Variants in DTNA observed in about 807,000 individuals in gnomAD.
DTNA encodes the protein dystrobrevin alpha.
In DTNA, 43 loss-of-function variants were observed where a neutral mutation model predicts 100.7. The observed-to-expected ratio is 0.43, with a 90% CI of 0.33 to 0.55. The LOEUF is 0.55. DTNA is among the 20% of genes least tolerant of loss of function. DTNA has a pLI of 0.04. For missense variants in DTNA, 798 were observed against 953.9 expected (o/e 0.84, Z 2.15); for synonymous variants, 349 against 347.9 (o/e 1.00, Z -0.04).
At chr18:34,533,060 C>G (rs566311930) in intron 1 of DTNA, among the ~76,000 whole-genome samples, 1 of 152,028 alleles carries the variant, frequency 6.6e-6, no homozygotes, top group Non-Finnish European at 1.5e-5. Flanking sequence ...AGTAGACTCA[C>G]TATTTCATTA....
chr18:34,758,686 A>G (rs2148307282), intron 2 of DTNA, among the ~76,000 whole-genome samples: 1 of 152,328 alleles, frequency 6.6e-6, no homozygotes, highest in East Asian at 1.9e-4. Flanking sequence ...TGGGTTGTAA[A>G]CTTGGCAAGA....
chr18:34,609,268 G>C (rs186366411), intron 1 of DTNA, among the ~76,000 whole-genome samples: 2 of 132,224 alleles, frequency 1.5e-5, no homozygotes, highest in Admixed American at 1.5e-4. Context: ...TTTTTGAGAC[G>C]GAGTCTTGCT....
chr18:34,501,220 A>G (rs1450756942), intron 1 of DTNA, among the ~76,000 whole-genome samples: 2 of 152,192 alleles, frequency 1.3e-5, no homozygotes, highest in East Asian at 1.9e-4. Flanking sequence ...TGATGTGATC[A>G]TATGATTTTT....
chr18:34,644,067 T>C (rs2059578851), intron 1 of DTNA, among the ~76,000 whole-genome samples: 2 of 152,314 alleles, frequency 1.3e-5, no homozygotes, highest in African/African-American at 4.8e-5. Context: ...GGGAATAACA[T>C]TGATATTTTA....
intron 4 of DTNA, among the ~76,000 whole-genome samples, chr18:34,794,818 C>T (rs1336553885): frequency 6.6e-6 from 1 of 152,120 alleles, no homozygotes; most frequent in African/African-American, 2.4e-5. Context: ...TATAATTTTC[C>T]CTTTTAGAAT....
At position 34,848,534 on chromosome 18, in the gene DTNA, C is replaced by T. The variant is rs998960703; in HGVS notation, c.1434+151C>T. On this transcript the variant is annotated intron_variant, in intron 14 of 22. Coordinates refer to ENST00000444659, the MANE Select transcript of DTNA (RefSeq NM_001386795.1). The stretch of plus-strand genomic sequence containing the variant: ...GTGTTTGTTGCTAAGTTTGTGGTGT[C>T]TTGGTGGTGAATTTACAGTTTAAAA... The T allele has an allele frequency of 9.9e-6, 9 of 907,632 alleles. No homozygotes were observed. The African/African-American group carries it at 1.5e-4, about 15-fold the overall frequency. 56.2% of individuals were successfully genotyped at this position (907,632 alleles called of 1,614,324 possible).
chr18:34,690,154 G>A lies in DTNA; in HGVS notation c.-1-65822G>A, dbSNP rs531306273. On this transcript the variant is annotated intron_variant, in intron 1 of 19. Coordinates refer to the DTNA transcript ENST00000283365. ...CAGCCCCCTTCCCAGGGGAGTGAAC[G>A]GCTCTGTCTCACTGGCTTTCCAGGC... is the stretch of plus-strand genomic sequence containing the variant. Among the ~76,000 whole-genome samples the A allele has an allele frequency of 7.9e-5, 12 of 152,282 alleles. No individual in the cohort carries two copies. In the South Asian group the frequency reaches 2.1e-3, roughly 26 times the overall value.
chr18:34,514,028 T>C (rs1261468040), intron 1 of DTNA: 2 of 152,020 alleles, frequency 1.3e-5, no homozygotes, highest in African/African-American at 2.4e-5. Flanking sequence ...AAAAATAAAA[T>C]CTCATTTAAA....
intron 1 of DTNA, among the ~76,000 whole-genome samples, chr18:34,578,101 C>G (rs907323237): frequency 6.6e-6 from 1 of 151,942 alleles, no homozygotes; most frequent in African/African-American, 2.4e-5. Context: ...AGAAGTGTTC[C>G]CTCTTCACTG....
Position 34,887,849 on chromosome 18 carries a change from C to G in DTNA, c.*115C>G. The G allele has an allele frequency of 1.0e-6, 1 of 986,604 alleles. No homozygotes were observed. The highest frequency in any genetic ancestry group is 1.2e-6 in the Non-Finnish European group (1 of 830,306). The allele number at this position is 986,604 out of a possible 1,614,324, so 61.1% of individuals were successfully genotyped here. ...CCTGTGGCCACACAGAGGAGGAAGA[C>G]AGCAGCCTGGCAGCAGCCTCACCGA... On this transcript the variant is annotated 3_prime_UTR_variant, in exon 23 of 23. Transcript: ENST00000444659.
chr18:34,563,177 G>A (rs2046791213), intron 1 of DTNA, among the ~76,000 whole-genome samples: 1 of 152,172 alleles, frequency 6.6e-6, no homozygotes, highest in Non-Finnish European at 1.5e-5. Context: ...CTGGATTAGA[G>A]TGGGCCCTAA....
intron 2 of DTNA, among the ~76,000 whole-genome samples, chr18:34,762,404 C>T (rs1433266670): frequency 1.3e-5 from 2 of 152,092 alleles, no homozygotes; most frequent in African/African-American, 2.4e-5. Context: ...TGGAGGAAGG[C>T]GTCTAGTAGT....
intron 1 of DTNA, among the ~76,000 whole-genome samples, chr18:34,499,594 A>G (rs1363050638): frequency 6.6e-6 from 1 of 152,242 alleles, no homozygotes; most frequent in African/African-American, 2.4e-5. Context: ...TCAACAATAT[A>G]TGAGAAATAA....
intron 1 of DTNA, among the ~76,000 whole-genome samples, chr18:34,738,743 C>T (rs959387953): frequency 1.3e-5 from 2 of 152,186 alleles, no homozygotes. Flanking sequence ...CTTAGTCATG[C>T]CTTTTTGCAC....
intron 1 of DTNA, among the ~76,000 whole-genome samples, chr18:34,496,080 A>G (rs2039160472): frequency 1.3e-5 from 2 of 152,118 alleles, no homozygotes; most frequent in African/African-American, 4.8e-5. Context: ...TATAATTTCA[A>G]ACTCACACTT....
intron 3 of DTNA, among the ~76,000 whole-genome samples, chr18:34,776,633 G>T (rs577850090): frequency 3.6e-4 from 55 of 152,308 alleles, no homozygotes; most frequent in Non-Finnish European, 7.2e-4. Context: ...AAGCCACCGT[G>T]CCTGGCCCAC....
At chr18:34,661,035 T>C (rs2075110469) in intron 1 of DTNA, among the ~76,000 whole-genome samples, 1 of 152,222 alleles carries the variant, frequency 6.6e-6, no homozygotes, top group Non-Finnish European at 1.5e-5. Context: ...AGAGTTTGAC[T>C]CTTTTGTCAA....
intron 1 of DTNA, among the ~76,000 whole-genome samples, chr18:34,719,478 C>T (rs2084797984): frequency 6.6e-6 from 1 of 152,038 alleles, no homozygotes; most frequent in South Asian, 2.1e-4. Context: ...AAGTAATCCC[C>T]CAAACAGCAT....
At chr18:34,806,766 A>G (rs945364735) in intron 5 of DTNA, among the ~76,000 whole-genome samples, 1 of 152,220 alleles carries the variant, frequency 6.6e-6, no homozygotes, top group Non-Finnish European at 1.5e-5. Context: ...GTCAGGAAAG[A>G]AGAATAGGAA....
Sources: allele counts gnomAD v4.1 joint callset (sites outside exome capture counted in the v4.1 genomes callset), GRCh38; gene constraint gnomAD v4.1.1; transcripts MANE v1.5; gene names NCBI Gene and HGNC (gene_info 2026-07-23, HGNC 2026-07-21).